The following PCGF5 variants were observed in gnomAD, a reference collection of about 807,000 sequenced individuals.
PCGF5 encodes the protein polycomb group RING finger protein 5.
PCGF5 carries 9 observed loss-of-function variants against 44.3 expected under a neutral mutation model. The ratio of observed to expected loss-of-function variants is 0.20; its 90% confidence interval spans 0.12 to 0.35. The LOEUF (loss-of-function observed/expected upper bound fraction) is 0.35. Among genes scored for constraint, PCGF5 ranks in the 10% least tolerant of loss-of-function variants. PCGF5 has a pLI of 1.00. For synonymous variants in PCGF5, 95 were observed against 102.5 expected (o/e 0.93, Z 0.44); for missense variants, 146 against 305.3 (o/e 0.48, Z 3.89).
intron 1 of PCGF5, among the ~76,000 whole-genome samples, chr10:91,178,380 CT>C (rs1046939764): frequency 6.2e-5 from 9 of 144,418 alleles, no homozygotes; most frequent in Non-Finnish European, 1.4e-4. Context: ...GTTTCTCTTT[CT>C]TTTCTTTTCT....
intron 9 of PCGF5, among the ~76,000 whole-genome samples, chr10:91,276,107 A>C (rs557954944): frequency 5.4e-5 from 8 of 149,000 alleles, no homozygotes; most frequent in Non-Finnish European, 1.0e-4. Flanking sequence ...CCAGTTTTGA[A>C]AAAAAAAAAC....
At chr10:91,261,970 C>A (rs542274409) in intron 7 of PCGF5, among the ~76,000 whole-genome samples, 1 of 152,212 alleles carries the variant, frequency 6.6e-6, no homozygotes, top group Admixed American at 6.5e-5. Flanking sequence ...TTAATCACAG[C>A]ATAGCTTTTC....
Position 91,222,778 on chromosome 10 carries a change from C to A in PCGF5, c.-94C>A. On this transcript the variant is annotated 5_prime_UTR_variant, in exon 2 of 10. The change creates a new upstream start codon in the 5' untranslated region. Coordinates refer to ENST00000336126, the MANE Select transcript of PCGF5 (RefSeq NM_032373.5). ...AGTTCTCATGCCTCAGGACATCCTA[C>A]TGGGAACGACACACCAGCTCCTGGG... 3.0e-6 allele frequency: 2 copies of A among 670,150 alleles called. No individual in the cohort carries two copies. Among genetic ancestry groups the A allele is most frequent in the South Asian group, 1.9e-5 (1 of 51,882 alleles). The allele number at this position is 670,150 out of a possible 1,614,324, so 41.5% of individuals were successfully genotyped here.
At chr10:91,186,503 G>A (rs1158859229) in intron 1 of PCGF5, among the ~76,000 whole-genome samples, 2 of 150,856 alleles carry the variant, frequency 1.3e-5, no homozygotes, top group Non-Finnish European at 3.0e-5. Context: ...AAATATTTTA[G>A]ACCTCAGGGA....
intron 8 of PCGF5, 120 bp downstream of exon 8, chr10:91,264,640 T>G: frequency 1.4e-6 from 1 of 715,116 alleles, no homozygotes; most frequent in Non-Finnish European, 2.3e-6. Context: ...AGAAACTGGT[T>G]TTTCTTGCTA....
At chr10:91,191,158 A>C (rs2133212606) in intron 1 of PCGF5, among the ~76,000 whole-genome samples, 1 of 152,360 alleles carries the variant, frequency 6.6e-6, no homozygotes, top group African/African-American at 2.4e-5. Context: ...TAATTTACAA[A>C]TTAGGCACAG....
Position 91,245,225 on chromosome 10 carries a change from G to A in PCGF5, c.210-3280G>A, listed in dbSNP as rs553893681. ...TCTAGAAGTCAAGTGAAGATAGTAT[G>A]TATATCAAAGGAGACGGAGTGATCC... On this transcript the variant is annotated intron_variant, in intron 3 of 9. Coordinates refer to ENST00000336126, the MANE Select transcript of PCGF5 (RefSeq NM_032373.5). 2.1e-4 allele frequency among the ~76,000 whole-genome samples: 32 copies of A among 152,292 alleles called. No individual in the cohort carries two copies. The South Asian group carries it at 6.4e-3, about 31-fold the overall frequency.
Position 91,280,991 on chromosome 10 carries a change from G to T in PCGF5, c.*2675G>T, listed in dbSNP as rs1448757435. The T allele has an allele frequency of 6.6e-6, 1 of 152,356 alleles. No homozygotes were observed. Among genetic ancestry groups the T allele is most frequent in the Non-Finnish European group, 1.5e-5 (1 of 67,862 alleles). 9.4% of individuals were successfully genotyped at this position (152,356 alleles called of 1,614,324 possible). ...GACCTTTACTTCCATAAAAGATTTTGTTATCTCTTTTATCTGCCTTAGAAA... is the reference window on the plus strand; with the variant it reads ...GACCTTTACTTCCATAAAAGATTTTTTTATCTCTTTTATCTGCCTTAGAAA... On this transcript the variant is annotated 3_prime_UTR_variant, in exon 10 of 10. Coordinates refer to ENST00000336126, the MANE Select transcript of PCGF5 (RefSeq NM_032373.5).
chr10:91,175,612 T>C (rs1177444616), intron 1 of PCGF5, among the ~76,000 whole-genome samples: 2 of 152,142 alleles, frequency 1.3e-5, no homozygotes. Flanking sequence ...ATAGGAGACA[T>C]TGGAAGAAGG....
chr10:91,246,967 ATAGATAGATAG>A (rs1845479274), intron 3 of PCGF5, among the ~76,000 whole-genome samples: 1 of 516 alleles, frequency 1.9e-3, no homozygotes, highest in African/African-American at 9.1e-3. Flanking sequence ...GGATAGATGG[ATAGATAGATAG>A]ATAGATAGAT....
chr10:91,240,340 A>G (rs1039468419), intron 2 of PCGF5, 144 bp from the exon 3 acceptor site: 2 of 533,710 alleles, frequency 3.7e-6, no homozygotes, highest in Non-Finnish European at 6.7e-6. Flanking sequence ...CAGTGTTACA[A>G]TTGTAAGGTT....
chr10:91,277,924 A>G (rs1205523246), intron 9 of PCGF5, among the ~76,000 whole-genome samples: 4 of 152,024 alleles, frequency 2.6e-5, no homozygotes, highest in Non-Finnish European at 4.4e-5. Flanking sequence ...TCCTAGGGTT[A>G]CTAACTGAAT....
chr10:91,221,765 A>G (rs993348384), intron 1 of PCGF5, among the ~76,000 whole-genome samples: 4 of 152,034 alleles, frequency 2.6e-5, no homozygotes, highest in Non-Finnish European at 4.4e-5. Context: ...AGCATTATCC[A>G]GGTTATATAT....
Position 91,248,592 on chromosome 10 carries a change from T to C in PCGF5, c.265+32T>C, listed in dbSNP as rs200792982. ...GGCTCTTTAGGTTCTTGCAGACTTT[T>C]GTGTTTTATGAAATCAACACTTCTA... On this transcript the variant is annotated intron_variant, in intron 4 of 9. Coordinates refer to ENST00000336126, the MANE Select transcript of PCGF5 (RefSeq NM_032373.5). 32 of 1,607,024 alleles carry C rather than the reference T, an allele frequency of 2.0e-5. No individual in the cohort carries two copies. The Admixed American group carries it at 3.9e-4, about 19-fold the overall frequency.
rs118156402 is a variant in PCGF5 at position 91,237,217 on chromosome 10, A to G, written c.113-3267A>G. Among the ~76,000 whole-genome samples the G allele has an allele frequency of 1.6e-3, 249 of 152,346 alleles. 7 individuals are homozygous for G. In the East Asian group the frequency reaches 0.043, roughly 26 times the overall value. The stretch of plus-strand genomic sequence containing the variant: ...GAATTAAATATATGTTGATTAGGAC[A>G]TACATGGACATAGTATGTTGGATAC... On this transcript the variant is annotated intron_variant, in intron 2 of 9. Transcript: ENST00000336126.
chr10:91,238,326 C>T (rs1845223259), intron 2 of PCGF5, among the ~76,000 whole-genome samples: 2 of 152,270 alleles, frequency 1.3e-5, no homozygotes, highest in African/African-American at 2.4e-5. Flanking sequence ...AATGTATGCA[C>T]CTTTGGATGC....
At chr10:91,256,288 A>G (rs1589400823) in intron 6 of PCGF5, among the ~76,000 whole-genome samples, 3 of 152,244 alleles carry the variant, frequency 2.0e-5, no homozygotes, top group African/African-American at 4.8e-5. Context: ...GTTGAAAAGT[A>G]TAGCAACAGA....
intron 1 of PCGF5, among the ~76,000 whole-genome samples, chr10:91,171,234 G>T (rs1198945497): frequency 6.6e-6 from 1 of 152,226 alleles, no homozygotes; most frequent in Non-Finnish European, 1.5e-5. Context: ...GAGGAAGAAA[G>T]AAGTTAGATG....
intron 1 of PCGF5, among the ~76,000 whole-genome samples, chr10:91,213,190 T>C (rs1017493075): frequency 1.3e-5 from 2 of 152,222 alleles, no homozygotes; most frequent in African/African-American, 2.4e-5. Flanking sequence ...CTGGCATGAA[T>C]AGTTATTAAT....
Sources: allele counts gnomAD v4.1 joint callset (sites outside exome capture counted in the v4.1 genomes callset), GRCh38; gene constraint gnomAD v4.1.1; transcripts MANE v1.5; gene names NCBI Gene and HGNC (gene_info 2026-07-23, HGNC 2026-07-21).